The following RAE1 variants were observed in gnomAD, a reference collection of about 807,000 sequenced individuals.
RAE1 encodes ribonucleic acid export 1, also known as mRNA export factor RAE1.
A neutral mutation model predicts 52.7 loss-of-function variants in RAE1; 13 were observed. That is an observed-to-expected ratio of 0.25 (90% CI 0.16 to 0.39). The LOEUF is 0.39. Among genes scored for constraint, RAE1 ranks in the 10% least tolerant of loss-of-function variants. The pLI, the probability that RAE1 is intolerant of heterozygous loss-of-function variation, is 1.00. For synonymous variants in RAE1, 164 were observed against 153.1 expected, an observed-to-expected ratio of 1.07 and a Z score of -0.52; for missense variants, 262 against 459.8, an observed-to-expected ratio of 0.57 and a Z score of 3.93.
At chr20:57,366,009 A>C (rs2066949322) in intron 5 of RAE1, among the ~76,000 whole-genome samples, 1 of 152,218 alleles carries the variant, frequency 6.6e-6, no homozygotes, top group Non-Finnish European at 1.5e-5. Flanking sequence ...GGAAGAGCAC[A>C]GTGCTGAAAC....
At chr20:57,367,752 A>AG (rs1568788906) in intron 7 of RAE1, among the ~76,000 whole-genome samples, 5 of 151,978 alleles carry the variant, frequency 3.3e-5, no homozygotes, top group Non-Finnish European at 7.4e-5. Flanking sequence ...AAAAAAAAAA[A>AG]AAAAAGGAAA....
rs555612814 is a variant in RAE1 at position 57,375,814 on chromosome 20, C to T, written c.1020+1013C>T. ...TTCCTTTCTGTCTGTGCCGGTCACT[C>T]ACCCGTCCCTTCCTGTTCCATACAG... is the stretch of plus-strand genomic sequence containing the variant. On this transcript the variant is annotated intron_variant, in intron 11 of 11. Transcript: ENST00000395841. 7.1e-4 allele frequency among the ~76,000 whole-genome samples: 108 copies of T among 152,340 alleles called. 1 individual carries two copies. Among genetic ancestry groups the T allele is most frequent in the African/African-American group, 2.4e-3 (101 of 41,566 alleles).
chr20:57,365,696 G>A (rs2066945628), intron 5 of RAE1, among the ~76,000 whole-genome samples: 2 of 152,178 alleles, frequency 1.3e-5, no homozygotes, highest in South Asian at 4.1e-4. Flanking sequence ...TAAGGAGTTA[G>A]TGACATTAAA....
At chr20:57,376,582 T>G (rs906697349) in intron 11 of RAE1, among the ~76,000 whole-genome samples, 6 of 152,246 alleles carry the variant, frequency 3.9e-5, no homozygotes, top group Non-Finnish European at 8.8e-5. Context: ...TTTTCAGTGC[T>G]GGGTAGTATT....
intron 7 of RAE1, among the ~76,000 whole-genome samples, chr20:57,368,323 G>A (rs558088957): frequency 3.3e-5 from 5 of 152,188 alleles, no homozygotes; most frequent in Non-Finnish European, 4.4e-5. Context: ...AGTGTGTGAC[G>A]TGGACCTTAT....
intron 4 of RAE1, among the ~76,000 whole-genome samples, chr20:57,361,499 AG>A (rs886145621): frequency 5.9e-5 from 9 of 152,072 alleles, no homozygotes; most frequent in Non-Finnish European, 1.2e-4. Flanking sequence ...TCAGATTAGG[AG>A]GGGGGAGTTT....
intron 11 of RAE1, chr20:57,375,065 G>A: frequency 2.9e-6 from 2 of 698,452 alleles, no homozygotes; most frequent in Non-Finnish European, 5.2e-6. Flanking sequence ...GGGCACAGAA[G>A]CACAGGCAAG....
At chr20:57,370,821 T>G (rs889885996) in intron 8 of RAE1, among the ~76,000 whole-genome samples, 1 of 152,264 alleles carries the variant, frequency 6.6e-6, no homozygotes, top group Non-Finnish European at 1.5e-5. Context: ...CTCCCAGCAC[T>G]TGGAGGAGGG....
chr20:57,369,511 G>A (rs1000601632), intron 8 of RAE1, among the ~76,000 whole-genome samples: 4 of 152,208 alleles, frequency 2.6e-5, no homozygotes, highest in Non-Finnish European at 1.5e-5. Flanking sequence ...CCCCACCAAA[G>A]ATAGCTTTTC....
In RAE1 at chr20:57,354,025, T is replaced by A. The variant is rs41304651; in HGVS notation, c.-7-7T>A. Reference sequence around the variant, plus strand: ...ACCCATCCTTAACATTTTTCATTACTTTTTAGGTTCAAAATGAGCCTGTTT... The same window carrying A: ...ACCCATCCTTAACATTTTTCATTACATTTTAGGTTCAAAATGAGCCTGTTT... On this transcript the variant is annotated splice_polypyrimidine_tract_variant and splice_region_variant and intron_variant, in intron 1 of 11. Coordinates refer to ENST00000395841, the MANE Select transcript of RAE1 (RefSeq NM_003610.4). 1 of 1,610,632 alleles carries A rather than the reference T, an allele frequency of 6.2e-7. No homozygotes were observed. The highest frequency in any genetic ancestry group is 1.7e-5 in the Admixed American group (1 of 59,652).
At chr20:57,355,476 T>C (rs2066771753) in intron 3 of RAE1, among the ~76,000 whole-genome samples, 1 of 152,222 alleles carries the variant, frequency 6.6e-6, no homozygotes, top group East Asian at 1.9e-4. Flanking sequence ...GGTAGGTATG[T>C]AAGTTGGCTT....
At chr20:57,356,622 CA>C in intron 4 of RAE1, 84 bp downstream of exon 4, 70 of 1,131,246 alleles carry the variant, frequency 6.2e-5, no homozygotes, top group Non-Finnish European at 8.2e-5. Flanking sequence ...ACACAAATAG[CA>C]TATATGTGTT....
intron 5 of RAE1, among the ~76,000 whole-genome samples, chr20:57,366,597 CTG>C (rs1467893251): frequency 6.6e-6 from 1 of 152,228 alleles, no homozygotes; most frequent in Non-Finnish European, 1.5e-5. Flanking sequence ...ACCTTCAACA[CTG>C]GGGATTACAT....
intron 8 of RAE1, chr20:57,371,383 C>A (rs943687623): frequency 6.6e-6 from 1 of 152,068 alleles, no homozygotes; most frequent in Non-Finnish European, 1.5e-5. Context: ...AAACTGGTGA[C>A]GTGAAAAATG....
At chr20:57,370,597 G>A (rs550654590) in intron 8 of RAE1, among the ~76,000 whole-genome samples, 2 of 152,316 alleles carry the variant, frequency 1.3e-5, no homozygotes, top group East Asian at 1.9e-4. Context: ...GGCGTCTGAA[G>A]CTACGGTATC....
chr20:57,357,802 G>C (rs2066814903), intron 4 of RAE1: 1 of 150,060 alleles, frequency 6.7e-6, no homozygotes, highest in Non-Finnish European at 1.5e-5. Flanking sequence ...GGCTCAGTTA[G>C]TTTCTGCTAG....
intron 1 of RAE1, among the ~76,000 whole-genome samples, chr20:57,353,204 A>T (rs6070074): frequency 0.056 from 8,487 of 152,332 alleles, 588 homozygotes; most frequent in African/African-American, 0.17. Context: ...TTGGAAGGAA[A>T]AAAGAAGGGA....
At chr20:57,351,540 C>G in intron 1 of RAE1, 118 bp downstream of exon 1, 1 of 985,480 alleles carries the variant, frequency 1.0e-6, no homozygotes, top group Non-Finnish European at 1.2e-6. Flanking sequence ...GGACTGTTGA[C>G]TAAGCTTCGT....
At chr20:57,375,129 C>T in intron 11 of RAE1, 1 of 649,508 alleles carries the variant, frequency 1.5e-6, no homozygotes, top group Non-Finnish European at 2.8e-6. Context: ...GAGCTTTCGC[C>T]TGGGTGCTGT....
Sources: allele counts gnomAD v4.1 joint callset (sites outside exome capture counted in the v4.1 genomes callset), GRCh38; gene constraint gnomAD v4.1.1; transcripts MANE v1.5; gene names NCBI Gene and HGNC (gene_info 2026-07-23, HGNC 2026-07-21).